Variants in CTDSPL observed in about 807,000 individuals in gnomAD.
The protein encoded by CTDSPL is CTD small phosphatase like, also known as CTD small phosphatase-like protein.
Under a neutral mutation model 30.5 loss-of-function variants are expected in CTDSPL, and 8 were observed. The ratio of observed to expected loss-of-function variants is 0.26; its 90% CI spans 0.15 to 0.47. The LOEUF (loss-of-function observed/expected upper bound fraction) is 0.47. CTDSPL is among the 20% of genes least tolerant of loss of function. The pLI is 0.99. For synonymous variants in CTDSPL, 110 were observed against 137.9 expected (o/e 0.80, Z 1.42); for missense variants, 248 against 366.1 (o/e 0.68, Z 2.63).
In CTDSPL at chr3:37,923,454, G is replaced by T. The variant is rs144275065; in HGVS notation, c.80-23603G>T. 2.1e-3 allele frequency among the ~76,000 whole-genome samples: 324 copies of T among 152,266 alleles called. 6 individuals are homozygous for T. Among genetic ancestry groups the T allele is most frequent in the Admixed American group, 0.019 (286 of 15,294 alleles). The stretch of plus-strand genomic sequence containing the variant: ...AACTCTGTGTAGGAAGAATCACATG[G>T]TACTTCTTATTCCATGTTCAGTCCC... On this transcript the variant is annotated intron_variant, in intron 1 of 7. Transcript: ENST00000273179.
At chr3:37,889,712 C>T (rs891864507) in intron 1 of CTDSPL, among the ~76,000 whole-genome samples, 4 of 152,110 alleles carry the variant, frequency 2.6e-5, no homozygotes, top group African/African-American at 4.8e-5. Context: ...ACATTATAAT[C>T]GACATCCCAA....
At chr3:37,949,268 T>C (rs554074491) in intron 2 of CTDSPL, among the ~76,000 whole-genome samples, 2 of 152,224 alleles carry the variant, frequency 1.3e-5, no homozygotes, top group Non-Finnish European at 2.9e-5. Context: ...TTTGGCAATA[T>C]CATCTTAAAG....
rs754063345 is a variant in CTDSPL at position 37,980,826 on chromosome 3, G to C, written c.790G>C (p.Asp264His). The change falls in exon 8 of 8, where the codon GAC (aspartate) becomes CAC (histidine). Residue 264 changes from aspartate (D) to histidine (H), a missense_variant. This residue lies in a region of CTDSPL where 84 missense variants were observed against 139.4 expected (regional missense o/e 0.60). Transcript: ENST00000273179. ...IPFFEGLSRE[D>H]DVYSMLHRLC... The stretch of plus-strand genomic sequence containing the variant: ...CTTCTTTGAGGGCCTGAGCCGGGAG[G>C]ACGACGTGTACAGCATGCTGCACAG... The C allele has an allele frequency of 6.2e-7, 1 of 1,614,158 alleles. No homozygotes were observed. The highest frequency in any genetic ancestry group is 1.7e-5 in the Admixed American group (1 of 60,028).
chr3:37,917,303 T>G (rs1287003141), intron 1 of CTDSPL, among the ~76,000 whole-genome samples: 1 of 152,192 alleles, frequency 6.6e-6, no homozygotes, highest in African/African-American at 2.4e-5. Flanking sequence ...ACGTACATGT[T>G]TATAGTAGAA....
At chr3:37,967,272 C>A (rs755986082) in intron 4 of CTDSPL, among the ~76,000 whole-genome samples, 22 of 152,202 alleles carry the variant, frequency 1.4e-4, no homozygotes, top group Non-Finnish European at 2.2e-4. Context: ...AAACTGAGGT[C>A]CAAGGAGAGG....
intron 3 of CTDSPL, among the ~76,000 whole-genome samples, chr3:37,960,750 C>CA (rs1264515394): frequency 6.6e-6 from 1 of 151,514 alleles, no homozygotes; most frequent in Non-Finnish European, 1.5e-5. Context: ...CAAAACAAAA[C>CA]AAAGATTGGT....
intron 2 of CTDSPL, among the ~76,000 whole-genome samples, chr3:37,947,492 G>A (rs1191773904): frequency 2.0e-5 from 3 of 152,060 alleles, no homozygotes; most frequent in East Asian, 1.9e-4. Context: ...CCTGGGAGGC[G>A]GAGGTTGCAG....
intron 1 of CTDSPL, among the ~76,000 whole-genome samples, chr3:37,938,843 G>A (rs975673715): frequency 4.7e-5 from 7 of 149,396 alleles, no homozygotes; most frequent in African/African-American, 1.7e-4. Context: ...ACCATTTCAT[G>A]TTTTTAATTA....
At chr3:37,889,501 A>G (rs1195725083) in intron 1 of CTDSPL, among the ~76,000 whole-genome samples, 2 of 152,182 alleles carry the variant, frequency 1.3e-5, no homozygotes, top group African/African-American at 2.4e-5. Flanking sequence ...ACAACAAATA[A>G]AACTTTAAAT....
At chr3:37,970,512 A>G (rs1699354794) in intron 5 of CTDSPL, among the ~76,000 whole-genome samples, 1 of 152,104 alleles carries the variant, frequency 6.6e-6, no homozygotes, top group Non-Finnish European at 1.5e-5. Context: ...TTTCAAACGG[A>G]ATTTATTCAA....
At chr3:37,939,250 A>G (rs1008943475) in intron 1 of CTDSPL, among the ~76,000 whole-genome samples, 1 of 150,180 alleles carries the variant, frequency 6.7e-6, no homozygotes, top group African/African-American at 2.4e-5. Flanking sequence ...ACAAACATAC[A>G]TGTTTTCACT....
At chr3:37,912,829 C>A (rs1436117841) in intron 1 of CTDSPL, among the ~76,000 whole-genome samples, 1 of 152,178 alleles carries the variant, frequency 6.6e-6, no homozygotes, top group Non-Finnish European at 1.5e-5. Flanking sequence ...ATCATCATAG[C>A]CCAACAAAGC....
At chr3:37,972,565 C>G (rs1026817695) in intron 6 of CTDSPL, among the ~76,000 whole-genome samples, 12 of 151,690 alleles carry the variant, frequency 7.9e-5, no homozygotes, top group African/African-American at 2.9e-4. Flanking sequence ...TGATATGAAT[C>G]TGACCTAAAA....
chr3:37,960,535 T>TATACAC (rs1327299412), intron 3 of CTDSPL, among the ~76,000 whole-genome samples: 191 of 16,266 alleles, frequency 0.012, 3 homozygotes, highest in Non-Finnish European at 0.015. Flanking sequence ...TATATATATA[T>TATACAC]ACACACACAC....
chr3:37,918,140 A>C (rs749262683), intron 1 of CTDSPL, among the ~76,000 whole-genome samples: 1 of 152,212 alleles, frequency 6.6e-6, no homozygotes, highest in Non-Finnish European at 1.5e-5. Flanking sequence ...ATGCTTGCTC[A>C]CTGAATAAGA....
At chr3:37,919,222 A>G (rs572532766) in intron 1 of CTDSPL, among the ~76,000 whole-genome samples, 5 of 152,310 alleles carry the variant, frequency 3.3e-5, no homozygotes, top group East Asian at 1.9e-4. Context: ...AAACTATACT[A>G]TAGAAGATGC....
intron 1 of CTDSPL, among the ~76,000 whole-genome samples, chr3:37,886,792 G>C (rs777517488): frequency 6.6e-6 from 1 of 152,194 alleles, no homozygotes; most frequent in Non-Finnish European, 1.5e-5. Context: ...GAATATATCA[G>C]ATTTACCTGG....
intron 7 of CTDSPL, among the ~76,000 whole-genome samples, chr3:37,976,290 A>G (rs1347367188): frequency 6.6e-6 from 1 of 152,160 alleles, no homozygotes; most frequent in Admixed American, 6.5e-5. Flanking sequence ...GTAGGACTTC[A>G]TGACCCCTGT....
At chr3:37,879,891 C>A (rs542566562) in intron 1 of CTDSPL, among the ~76,000 whole-genome samples, 1 of 151,712 alleles carries the variant, frequency 6.6e-6, no homozygotes, top group South Asian at 2.1e-4. Context: ...AGTATATGAG[C>A]GTTTAATAAA....
Sources: allele counts gnomAD v4.1 joint callset (sites outside exome capture counted in the v4.1 genomes callset), GRCh38; gene constraint gnomAD v4.1.1; regional missense constraint gnomAD v4.1.1; transcripts MANE v1.5; gene names NCBI Gene and HGNC (gene_info 2026-07-23, HGNC 2026-07-21).